Variants in CADPS2 observed in about 807,000 individuals in gnomAD.
The protein encoded by CADPS2 is calcium-dependent secretion activator 2.
Under a neutral mutation model 172.5 loss-of-function variants are expected in CADPS2, and 93 were observed. The ratio of observed to expected loss-of-function variants is 0.54; its 90% confidence interval spans 0.46 to 0.64. CADPS2 has a LOEUF of 0.64. Among genes scored for constraint, CADPS2 ranks in the 30% least tolerant of loss-of-function variants. The pLI is 0.00. For missense variants in CADPS2, 1,420 were observed against 1,565.9 expected (o/e 0.91, Z 1.57); for synonymous variants, 546 against 555.2 (o/e 0.98, Z 0.23).
In CADPS2 at chr7:122,348,025, T is replaced by C. The variant is rs531201061; in HGVS notation, c.3505-2344A>G. ...AAACAGGATGCTGTAATGTACAAAATACCAAGGTAGTTGGGTACAGCCCAG... is the reference window on the plus strand; with the variant it reads ...AAACAGGATGCTGTAATGTACAAAACACCAAGGTAGTTGGGTACAGCCCAG... On this transcript the variant is annotated intron_variant, in intron 27 of 29. Transcript: ENST00000449022. 9.8e-4 allele frequency among the ~76,000 whole-genome samples: 149 copies of C among 152,286 alleles called. 2 individuals are homozygous for C. The South Asian group carries it at 0.018, about 18-fold the overall frequency.
At chr7:122,342,230 C>G (rs1179860836) in intron 28 of CADPS2, among the ~76,000 whole-genome samples, 1 of 152,136 alleles carries the variant, frequency 6.6e-6, no homozygotes, top group African/African-American at 2.4e-5. Context: ...ACCCCAGAAG[C>G]AGATTTTATA....
chr7:122,818,068 T>C (rs1802050646), intron 1 of CADPS2, among the ~76,000 whole-genome samples: 1 of 150,156 alleles, frequency 6.7e-6, no homozygotes, highest in Non-Finnish European at 1.5e-5. Context: ...CTCTTATCTC[T>C]GCACCCCAAC....
intron 20 of CADPS2, among the ~76,000 whole-genome samples, chr7:122,405,947 T>C (rs1178463166): frequency 6.6e-6 from 1 of 152,234 alleles, no homozygotes; most frequent in Non-Finnish European, 1.5e-5. Context: ...CCTTCTTTTA[T>C]AGATATAGCA....
intron 8 of CADPS2, among the ~76,000 whole-genome samples, chr7:122,526,433 T>A (rs1338895850): frequency 6.6e-6 from 1 of 152,104 alleles, no homozygotes; most frequent in Non-Finnish European, 1.5e-5. Context: ...CCTCAGGTGA[T>A]CTGCCTGCCT....
chr7:122,818,821 A>C (rs533281631), intron 1 of CADPS2, among the ~76,000 whole-genome samples: 1 of 152,304 alleles, frequency 6.6e-6, no homozygotes, highest in African/African-American at 2.4e-5. Context: ...ATCAGACAGC[A>C]TTTAGGCACT....
chr7:122,824,704 C>T (rs1216695329), intron 1 of CADPS2, among the ~76,000 whole-genome samples: 1 of 152,144 alleles, frequency 6.6e-6, no homozygotes, highest in Admixed American at 6.5e-5. Flanking sequence ...ATGAGGTTTT[C>T]TGCCATGTCA....
chr7:122,628,625 T>C (rs2430022), intron 4 of CADPS2, among the ~76,000 whole-genome samples: 78,025 of 150,558 alleles, frequency 0.52, 20,466 homozygotes, highest in East Asian at 0.73. Flanking sequence ...ATTTAGACAA[T>C]TGGGTTCCAT....
intron 2 of CADPS2, among the ~76,000 whole-genome samples, chr7:122,720,867 G>T (rs1367420422): frequency 2.6e-5 from 4 of 151,952 alleles, no homozygotes; most frequent in African/African-American, 9.7e-5. Context: ...AAGCTGGGGT[G>T]TATTTTTTTG....
At position 122,835,008 on chromosome 7, in the gene CADPS2, G is replaced by A. The variant is rs180835727; in HGVS notation, c.339+50991C>T. On this transcript the variant is annotated intron_variant, in intron 1 of 29. Coordinates refer to ENST00000449022, the MANE Select transcript of CADPS2 (RefSeq NM_017954.11). ...CTCCTCAAGTGGGTCCCTGACGCCC[G>A]AGTAGCCTAATGGGGAGGCACCCCC... Among the ~76,000 whole-genome samples, 497 of 152,272 alleles carry A rather than the reference G, an allele frequency of 3.3e-3. 2 individuals carry two copies. The highest frequency in any genetic ancestry group is 0.011 in the African/African-American group (464 of 41,550).
At chr7:122,847,871 TA>T (rs1270202270) in intron 1 of CADPS2, among the ~76,000 whole-genome samples, 3 of 152,216 alleles carry the variant, frequency 2.0e-5, no homozygotes, top group Non-Finnish European at 4.4e-5. Context: ...TGATAGCATG[TA>T]TTAAAGTACT....
intron 1 of CADPS2, among the ~76,000 whole-genome samples, chr7:122,817,966 G>A (rs553994346): frequency 2.1e-4 from 26 of 126,266 alleles, no homozygotes; most frequent in Admixed American, 3.7e-4. Flanking sequence ...CTTTATTTCC[G>A]TGCCCTGACC....
intron 1 of CADPS2, among the ~76,000 whole-genome samples, chr7:122,835,154 G>A (rs917998760): frequency 2.6e-5 from 4 of 152,212 alleles, no homozygotes; most frequent in South Asian, 2.1e-4. Context: ...AGCCTCTGCT[G>A]CTGATACCCA....
At position 122,360,790 on chromosome 7, in the gene CADPS2, G is replaced by T. The variant is rs1311218215; in HGVS notation, c.3502C>A (p.Pro1168Thr). The change falls in exon 27 of 30, where the codon CCA (proline) becomes ACA (threonine). Residue 1168 changes from proline (P) to threonine (T), a missense_variant and splice_region_variant. Physicochemically the swap from Pro to Thr is conservative, Grantham distance 38. Coordinates refer to ENST00000449022, the MANE Select transcript of CADPS2 (RefSeq NM_017954.11). ...AAAAGCAGATAAAAAATACTTACTG[G>T]AACATCAACATATTTTGCAGCTGCT... is the stretch of plus-strand genomic sequence containing the variant. ...VKAAAKYVDVPKPGMDLADTY... is the reference protein window; with the variant it reads ...VKAAAKYVDVTKPGMDLADTY... The T allele has an allele frequency of 1.9e-6, 3 of 1,555,050 alleles. No homozygotes were observed. Among genetic ancestry groups the T allele is most frequent in the Non-Finnish European group, 2.6e-6 (3 of 1,150,298 alleles).
chr7:122,737,294 G>A (rs1202206086), intron 1 of CADPS2, among the ~76,000 whole-genome samples: 2 of 152,036 alleles, frequency 1.3e-5, no homozygotes, highest in Non-Finnish European at 2.9e-5. Context: ...GTGCGATCTC[G>A]GCTCACTGCA....
chr7:122,395,129 G>C (rs2044899397), intron 20 of CADPS2, among the ~76,000 whole-genome samples: 1 of 152,158 alleles, frequency 6.6e-6, no homozygotes, highest in Admixed American at 6.6e-5. Flanking sequence ...AAGCCTAATA[G>C]TGTTTTAGCT....
chr7:122,479,284 G>T (rs1287196353), intron 12 of CADPS2, among the ~76,000 whole-genome samples: 4 of 152,146 alleles, frequency 2.6e-5, no homozygotes, highest in African/African-American at 7.2e-5. Flanking sequence ...GAGTTCACCT[G>T]TAGCTGCATT....
intron 17 of CADPS2, among the ~76,000 whole-genome samples, chr7:122,417,574 G>C (rs144247509): frequency 2.0e-5 from 3 of 152,266 alleles, no homozygotes; most frequent in Non-Finnish European, 2.9e-5. Context: ...TCTGTTTCAT[G>C]AACATTTCAA....
chr7:122,431,560 G>A (rs2151895471), intron 17 of CADPS2, among the ~76,000 whole-genome samples: 1 of 152,180 alleles, frequency 6.6e-6, no homozygotes, highest in East Asian at 1.9e-4. Context: ...GTCAAGGGCG[G>A]GGAGTGTAAG....
intron 2 of CADPS2, chr7:122,697,684 C>G: frequency 3.4e-6 from 3 of 878,012 alleles, no homozygotes; most frequent in Non-Finnish European, 5.1e-6. Flanking sequence ...ACTGAAGTAA[C>G]AAAAAAGGAC....
Sources: gnomAD v4.1 joint callset for allele counts (sites outside exome capture counted in the v4.1 genomes callset) on GRCh38, gnomAD v4.1.1 for gene constraint, MANE v1.5 for transcripts, NCBI Gene and HGNC (gene_info 2026-07-23, HGNC 2026-07-21) for gene names.